The following ADGRL3 variants were observed in gnomAD, a reference collection of about 807,000 sequenced individuals.
The protein encoded by ADGRL3 is adhesion G protein-coupled receptor L3.
In ADGRL3, 62 loss-of-function variants were observed where a neutral mutation model predicts 153.5. That is an observed-to-expected ratio of 0.40 (90% CI 0.33 to 0.50). The LOEUF is 0.50. Ranked by LOEUF, ADGRL3 falls within the 20% of genes least tolerant of loss-of-function variation. ADGRL3 has a pLI of 0.47. For synonymous variants in ADGRL3, 710 were observed against 672.5 expected (o/e 1.06, Z -0.86); for missense variants, 1,641 against 1,859.4 (o/e 0.88, Z 2.16).
chr4:61,865,092 G>T (rs184946534), intron 9 of ADGRL3, among the ~76,000 whole-genome samples: 2 of 152,236 alleles, frequency 1.3e-5, no homozygotes, highest in East Asian at 3.9e-4. Flanking sequence ...CGCAGAATGA[G>T]ATTGGTTTAC....
At chr4:61,539,233 G>A (rs1013147176) in intron 4 of ADGRL3, among the ~76,000 whole-genome samples, 8 of 152,308 alleles carry the variant, frequency 5.3e-5, no homozygotes, top group South Asian at 4.1e-4. Context: ...TGCAGCTGCC[G>A]CAAAATGCAC....
At chr4:61,614,628 G>A in intron 5 of ADGRL3, among the ~76,000 whole-genome samples, 1 of 152,046 alleles carries the variant, frequency 6.6e-6, no homozygotes, top group East Asian at 1.9e-4. Flanking sequence ...AGGATTTCAA[G>A]GAAGGACATA....
At chr4:61,311,350 A>AT (rs1284208039) in intron 1 of ADGRL3, among the ~76,000 whole-genome samples, 1 of 152,194 alleles carries the variant, frequency 6.6e-6, no homozygotes, top group Non-Finnish European at 1.5e-5. Context: ...GAGACCCAAA[A>AT]TACTGGGAGC....
At chr4:61,998,652 T>C (rs2099130056) in intron 21 of ADGRL3, among the ~76,000 whole-genome samples, 1 of 151,824 alleles carries the variant, frequency 6.6e-6, no homozygotes, top group Non-Finnish European at 1.5e-5. Context: ...CTCAGCTCAC[T>C]GCAACCTCCT....
At chr4:61,693,304 C>T (rs1018201752) in intron 6 of ADGRL3, among the ~76,000 whole-genome samples, 1 of 151,554 alleles carries the variant, frequency 6.6e-6, no homozygotes, top group Non-Finnish European at 1.5e-5. Context: ...TCATGTTCAC[C>T]TTTCTAAAGC....
intron 2 of ADGRL3, among the ~76,000 whole-genome samples, chr4:61,423,728 G>A (rs1348517491): frequency 1.3e-5 from 2 of 152,150 alleles, no homozygotes; most frequent in Non-Finnish European, 2.9e-5. Flanking sequence ...TTTAAAGCCT[G>A]CTGAAAGTCC....
chr4:62,001,772 T>C (rs900180770), intron 21 of ADGRL3, among the ~76,000 whole-genome samples: 1 of 152,144 alleles, frequency 6.6e-6, no homozygotes, highest in Non-Finnish European at 1.5e-5. Context: ...TGGAAAACTT[T>C]TTTTTAGTAT....
intron 8 of ADGRL3, among the ~76,000 whole-genome samples, chr4:61,801,678 A>G (rs1392706181): frequency 6.6e-6 from 1 of 152,144 alleles, no homozygotes; most frequent in African/African-American, 2.4e-5. Context: ...CTTCTATACC[A>G]AAAGAGGATA....
intron 4 of ADGRL3, among the ~76,000 whole-genome samples, chr4:61,553,926 AT>A (rs1560830620): frequency 6.6e-6 from 1 of 152,148 alleles, no homozygotes; most frequent in African/African-American, 2.4e-5. Context: ...GGCAATCAGA[AT>A]TTACATATCA....
At chr4:61,973,191 C>T (rs531209858) in intron 17 of ADGRL3, among the ~76,000 whole-genome samples, 2 of 151,786 alleles carry the variant, frequency 1.3e-5, no homozygotes, top group South Asian at 2.1e-4. Flanking sequence ...TCTTAGTGTA[C>T]TTTATGTGAT....
intron 15 of ADGRL3, among the ~76,000 whole-genome samples, chr4:61,938,744 G>A (rs2098851384): frequency 6.6e-6 from 1 of 150,602 alleles, no homozygotes; most frequent in African/African-American, 2.4e-5. Context: ...GAAGTGCCCA[G>A]AGCAACGTCT....
At chr4:61,867,515 CAT>C (rs3065826) in intron 9 of ADGRL3, among the ~76,000 whole-genome samples, 1,757 of 81,140 alleles carry the variant, frequency 0.022, 136 homozygotes, top group African/African-American at 0.066. Context: ...AATATATATG[CAT>C]ATATATATAT....
At chr4:61,500,029 C>CAGGGAG (rs2098368373) in intron 3 of ADGRL3, among the ~76,000 whole-genome samples, 1 of 140,460 alleles carries the variant, frequency 7.1e-6, no homozygotes, top group Admixed American at 7.1e-5. Flanking sequence ...CACACAGAAA[C>CAGGGAG]AGAGAGAGAG....
At chr4:61,729,714 T>G (rs1192752354) in intron 6 of ADGRL3, among the ~76,000 whole-genome samples, 1 of 152,004 alleles carries the variant, frequency 6.6e-6, no homozygotes, top group Non-Finnish European at 1.5e-5. Flanking sequence ...TGAAACAAAA[T>G]ATTTATAAGA....
rs143148547 is a variant in ADGRL3 at position 61,219,088 on chromosome 4, G to T, written c.-240+17323G>T. The stretch of plus-strand genomic sequence containing the variant: ...CTTCTCAGCTAAGCAGCAAAGGATA[G>T]ATCCTGCTTCTTTCTGGCCTCAGCT... On this transcript the variant is annotated intron_variant, in intron 1 of 26. Transcript: ENST00000683033. Among the ~76,000 whole-genome samples the T allele has an allele frequency of 1.5e-4, 23 of 152,290 alleles. No homozygotes were observed. The East Asian group carries it at 4.4e-3, about 29-fold the overall frequency.
At chr4:61,784,301 T>C (rs755036477) in intron 8 of ADGRL3, among the ~76,000 whole-genome samples, 49 of 152,174 alleles carry the variant, frequency 3.2e-4, no homozygotes, top group Non-Finnish European at 5.7e-4. Context: ...CAGCTAAATG[T>C]TAAGTCCTCT....
intron 21 of ADGRL3, 39 bp from the exon 22 acceptor site, chr4:62,028,816 A>G: frequency 6.4e-7 from 1 of 1,563,520 alleles, no homozygotes; most frequent in African/African-American, 1.4e-5. Flanking sequence ...TAAAATGCTA[A>G]TGTTGGTGTT....
chr4:62,071,903 C>T lies in ADGRL3; in HGVS notation c.*995C>T. 2 of 292,868 alleles carry T rather than the reference C, an allele frequency of 6.8e-6. No homozygotes were observed. Among genetic ancestry groups the T allele is most frequent in the Non-Finnish European group, 1.3e-5 (2 of 151,352 alleles). The allele number at this position is 292,868 out of a possible 1,614,324, so 18.1% of individuals were successfully genotyped here. ...TAGACTTCCTTCCCTCACTATATAT[C>T]TTTATGCAGTCAGAATATTTCCAAC... On this transcript the variant is annotated 3_prime_UTR_variant, in exon 27 of 27. Coordinates refer to ENST00000683033, the MANE Select transcript of ADGRL3 (RefSeq NM_001387552.1).
At chr4:61,203,724 G>A (rs1209534782) in intron 1 of ADGRL3, among the ~76,000 whole-genome samples, 2 of 152,122 alleles carry the variant, frequency 1.3e-5, no homozygotes, top group Non-Finnish European at 1.5e-5. Flanking sequence ...GATTTCTTTT[G>A]TATATTTTTC....
Sources: gnomAD v4.1 joint callset for allele counts (sites outside exome capture counted in the v4.1 genomes callset) on GRCh38, gnomAD v4.1.1 for gene constraint, MANE v1.5 for transcripts, NCBI Gene and HGNC (gene_info 2026-07-23, HGNC 2026-07-21) for gene names.